REEP5: variants seen among roughly 807,000 people sequenced by gnomAD.
REEP5 encodes the protein receptor expression-enhancing protein 5.
In REEP5, 24 loss-of-function variants were observed where a neutral mutation model predicts 22.4. The ratio of observed to expected loss-of-function variants is 1.07; its 90% CI spans 0.78 to 1.51. The LOEUF (loss-of-function observed/expected upper bound fraction) is 1.51, where lower values mean the gene tolerates loss of function less well. Ranked by LOEUF, REEP5 falls within the 40% of genes most tolerant of loss-of-function variation. The pLI, the probability that REEP5 is intolerant of heterozygous loss-of-function variation, is 0.00. For missense variants in REEP5, 252 were observed against 233.0 expected, an observed-to-expected ratio of 1.08 and a Z score of -0.53; for synonymous variants, 103 against 88.6, an observed-to-expected ratio of 1.16 and a Z score of -0.92.
At chr5:112,897,209 T>C (rs564703235) in intron 3 of REEP5, 1 of 152,176 alleles carries the variant, frequency 6.6e-6, no homozygotes, top group East Asian at 1.9e-4. Flanking sequence ...AATACATACA[T>C]ATATATATAC....
intron 2 of REEP5, among the ~76,000 whole-genome samples, chr5:112,913,460 C>G (rs1769160740): frequency 6.8e-6 from 1 of 147,476 alleles, no homozygotes; most frequent in Non-Finnish European, 1.5e-5. Context: ...ATAGCTAGAG[C>G]CTGGGAGGTC....
At chr5:112,888,325 G>C (rs1768324260) in intron 3 of REEP5, among the ~76,000 whole-genome samples, 1 of 152,174 alleles carries the variant, frequency 6.6e-6, no homozygotes, top group Non-Finnish European at 1.5e-5. Context: ...TGCACAAATA[G>C]CTCACTCCAT....
At chr5:112,904,433 G>A (rs1768911200) in intron 2 of REEP5, among the ~76,000 whole-genome samples, 1 of 152,034 alleles carries the variant, frequency 6.6e-6, no homozygotes, top group Non-Finnish European at 1.5e-5. Flanking sequence ...TTCATTCTGG[G>A]CAGAGGAGAT....
chr5:112,913,367 AAAGAAGAAAGAAAG>A (rs1426070148), intron 2 of REEP5, among the ~76,000 whole-genome samples: 6 of 106,818 alleles, frequency 5.6e-5, no homozygotes, highest in African/African-American at 1.9e-4. Context: ...GAAAGGAAAG[AAAGAAGAAAGAAAG>A]AGAAAGAAAG....
intron 3 of REEP5, chr5:112,892,859 A>T (rs1249492736): frequency 1.2e-6 from 2 of 1,613,448 alleles, no homozygotes; most frequent in African/African-American, 2.7e-5. Context: ...AAGAGTAGTC[A>T]TAGGGGGAAG....
intron 3 of REEP5, among the ~76,000 whole-genome samples, chr5:112,898,537 T>C (rs1280476714): frequency 1.3e-5 from 2 of 152,194 alleles, no homozygotes; most frequent in Non-Finnish European, 2.9e-5. Context: ...GTGAACTCCA[T>C]TAGCAGAGGT....
intron 4 of REEP5, among the ~76,000 whole-genome samples, chr5:112,879,496 C>T (rs917712409): frequency 1.7e-4 from 26 of 152,222 alleles, no homozygotes; most frequent in African/African-American, 4.6e-4. Context: ...TTTTTTGAGA[C>T]GGAGTCTCGC....
rs562122090 is a variant in REEP5 at position 112,893,342 on chromosome 5, G to A, written c.352-6159C>T. On this transcript the variant is annotated intron_variant, in intron 3 of 4. Transcript: ENST00000379638. ...GGAGAATCGCTTGAATCTGGAAGGC[G>A]GAGGTTGCAGTGAGTCGACATCATG... is the stretch of plus-strand genomic sequence containing the variant. 6.3e-4 allele frequency: 145 copies of A among 229,038 alleles called. 1 individual carries two copies. The South Asian group carries it at 8.3e-3, about 13-fold the overall frequency. The allele number at this position is 229,038 out of a possible 1,614,324, so 14.2% of individuals were successfully genotyped here.
rs180692982 is a variant in REEP5 at position 112,878,123 on chromosome 5, C to G, written c.*663G>C. 215 of 152,520 alleles carry G rather than the reference C, an allele frequency of 1.4e-3. 5 individuals are homozygous for G. The highest frequency in any genetic ancestry group is 0.014 in the Admixed American group (214 of 15,290). 9.4% of individuals were successfully genotyped at this position (152,520 alleles called of 1,614,324 possible). A position where few individuals can be genotyped will look rare whatever the true frequency, so the allele number is the denominator to read the frequency against. ...CCATATACTACGGAAACAACCAGGC[C>G]AATCTCCATTCGATTTCATTTCTCA... On this transcript the variant is annotated 3_prime_UTR_variant, in exon 5 of 5. Transcript: ENST00000379638.
intron 2 of REEP5, among the ~76,000 whole-genome samples, chr5:112,917,893 A>G (rs1434176444): frequency 6.6e-6 from 1 of 152,188 alleles, no homozygotes; most frequent in East Asian, 1.9e-4. Flanking sequence ...CTTTGGGGTG[A>G]TAAAAATGTT....
At chr5:112,894,288 T>G (rs548824345) in intron 3 of REEP5, 1 of 152,308 alleles carries the variant, frequency 6.6e-6, no homozygotes, top group South Asian at 2.1e-4. Flanking sequence ...CCCAGCTAAT[T>G]TTTTGTATTT....
intron 3 of REEP5, among the ~76,000 whole-genome samples, chr5:112,899,596 T>C (rs1768797217): frequency 6.6e-6 from 1 of 152,262 alleles, no homozygotes; most frequent in African/African-American, 2.4e-5. Flanking sequence ...GTTTACATTA[T>C]GCAGTTCATA....
intron 2 of REEP5, among the ~76,000 whole-genome samples, chr5:112,919,993 C>T (rs935238245): frequency 4.6e-5 from 7 of 152,062 alleles, no homozygotes; most frequent in Admixed American, 1.3e-4. Context: ...TAACACCGAC[C>T]GCCTGAATAT....
intron 2 of REEP5, among the ~76,000 whole-genome samples, chr5:112,912,150 G>A (rs1193362900): frequency 2.6e-5 from 4 of 152,014 alleles, no homozygotes; most frequent in Non-Finnish European, 4.4e-5. Context: ...TTTTACATAT[G>A]AGAAAACTGA....
chr5:112,892,461 T>C (rs1768504258), intron 3 of REEP5: 1 of 1,613,936 alleles, frequency 6.2e-7, no homozygotes, highest in Non-Finnish European at 8.5e-7. Flanking sequence ...TGAGGGGCAA[T>C]GTATATGTTC....
chr5:112,891,580 A>G (rs779476478), intron 3 of REEP5: 5 of 1,553,382 alleles, frequency 3.2e-6, no homozygotes, highest in Admixed American at 2.0e-5. Flanking sequence ...GCTATGAACA[A>G]AATCTTCCAT....
At chr5:112,893,917 G>A (rs945080935) in intron 3 of REEP5, 1 of 151,944 alleles carries the variant, frequency 6.6e-6, no homozygotes, top group African/African-American at 2.4e-5. Flanking sequence ...ATTATAAGAT[G>A]TTGCCAGAGG....
chr5:112,892,878 C>A, intron 3 of REEP5: 1 of 1,612,720 alleles, frequency 6.2e-7, no homozygotes, highest in Non-Finnish European at 8.5e-7. Context: ...AGAAATCTCA[C>A]AAACGCACAT....
chr5:112,893,138 A>G (rs1768551876), intron 3 of REEP5: 2 of 816,568 alleles, frequency 2.4e-6, no homozygotes, highest in Non-Finnish European at 3.7e-6. Flanking sequence ...GGCCAGGTAT[A>G]GTGGCTCACA....
Sources: gnomAD v4.1 joint callset for allele counts (sites outside exome capture counted in the v4.1 genomes callset) on GRCh38, gnomAD v4.1.1 for gene constraint, MANE v1.5 for transcripts, NCBI Gene and HGNC (gene_info 2026-07-23, HGNC 2026-07-21) for gene names.